The following OAF variants were observed in gnomAD, a reference collection of about 807,000 sequenced individuals.
OAF encodes out at first protein homolog.
OAF carries 13 observed loss-of-function variants against 22.5 expected under a neutral mutation model. That is an observed-to-expected ratio of 0.58 (90% CI 0.38 to 0.92). OAF has a LOEUF of 0.92. OAF is among the 40% of genes least tolerant of loss of function. OAF has a pLI of 0.00. For missense variants in OAF, 347 were observed against 381.8 expected (o/e 0.91, Z 0.76); for synonymous variants, 175 against 170.5 (o/e 1.03, Z -0.21).
At chr11:120,222,293 C>G (rs1938288735) in intron 1 of OAF, among the ~76,000 whole-genome samples, 2 of 152,228 alleles carry the variant, frequency 1.3e-5, no homozygotes, top group African/African-American at 4.8e-5. Context: ...CGCAGTGGCT[C>G]ACACCTGTAA....
intron 1 of OAF, among the ~76,000 whole-genome samples, chr11:120,219,342 G>C (rs1938252540): frequency 1.3e-5 from 2 of 152,174 alleles, no homozygotes; most frequent in African/African-American, 2.4e-5. Flanking sequence ...GTGAGCCTGT[G>C]CATCAGTTGA....
chr11:120,224,487 T>C (rs1437500281), intron 1 of OAF, among the ~76,000 whole-genome samples: 1 of 152,156 alleles, frequency 6.6e-6, no homozygotes, highest in Non-Finnish European at 1.5e-5. Context: ...CACTAATACA[T>C]TGCAGCTTCG....
At chr11:120,211,560 G>A (rs1368020700) in intron 1 of OAF, 50 bp downstream of exon 1, 5 of 1,284,148 alleles carry the variant, frequency 3.9e-6, no homozygotes, top group African/African-American at 3.1e-5. Flanking sequence ...TGAGCCCCCC[G>A]GGATCCCAGG....
At chr11:120,226,220 T>A (rs1401345914) in intron 2 of OAF, among the ~76,000 whole-genome samples, 1 of 152,216 alleles carries the variant, frequency 6.6e-6, no homozygotes, top group Non-Finnish European at 1.5e-5. Context: ...TGGGTGACAT[T>A]GGACAAGTTA....
chr11:120,211,385 G>A lies in OAF; in HGVS notation c.106G>A (p.Val36Met), dbSNP rs763181491. Residue 36 changes from valine to methionine, a missense_variant, in exon 1 of 4, where the codon GTG becomes ATG. Physicochemically the swap from Val to Met is conservative, Grantham distance 21. Coordinates refer to ENST00000328965, the MANE Select transcript of OAF (RefSeq NM_178507.4). ...TGAPAELRVR[V>M]RLPDGQVTEE... ...TGCGCCGGCCGAGCTGCGGGTCCGC[G>A]TGCGGCTGCCGGACGGCCAGGTGAC... The A allele has an allele frequency of 6.8e-7, 1 of 1,473,318 alleles. No homozygotes were observed. Among genetic ancestry groups the A allele is most frequent in the Non-Finnish European group, 9.1e-7 (1 of 1,104,512 alleles). The allele number at this position is 1,473,318 out of a possible 1,614,324, so 91.3% of individuals were successfully genotyped here.
intron 1 of OAF, among the ~76,000 whole-genome samples, chr11:120,212,834 T>G (rs1591357194): frequency 1.4e-5 from 2 of 137,982 alleles, no homozygotes; most frequent in African/African-American, 5.4e-5. Flanking sequence ...AGATGGGGGG[T>G]GGGGTAGTGA....
chr11:120,225,732 C>CT lies in OAF; in HGVS notation c.306dup (p.Val103CysfsTer8). The CT allele has an allele frequency of 6.2e-7, 1 of 1,606,248 alleles. No individual in the cohort carries two copies. Among genetic ancestry groups the CT allele is most frequent in the Admixed American group, 1.7e-5 (1 of 59,052 alleles). On this transcript the variant is annotated frameshift_variant, in exon 2 of 4. Coordinates refer to ENST00000328965, the MANE Select transcript of OAF (RefSeq NM_178507.4). LOFTEE classifies it high-confidence loss of function. ...GGCAGAGTCAGTTCCAGGCCCTCTG[C>CT]TTTGTCACCCAGCTGCAGCACAATG...
Position 120,211,153 on chromosome 11 carries a change from C to A in OAF, c.-127C>A. ...CGCCACCTCGCGGGCGACCCCGCGG[C>A]CAAGGCCCCCGGCGGAGCGGCTCCC... On this transcript the variant is annotated 5_prime_UTR_variant, in exon 1 of 4. Coordinates refer to ENST00000328965, the MANE Select transcript of OAF (RefSeq NM_178507.4). 2.6e-6 allele frequency: 1 copy of A among 383,962 alleles called. No homozygotes were observed. Among genetic ancestry groups the A allele is most frequent in the Non-Finnish European group, 4.0e-6 (1 of 247,644 alleles). The allele number at this position is 383,962 out of a possible 1,614,324, so 23.8% of individuals were successfully genotyped here. A position where few individuals can be genotyped will look rare whatever the true frequency, so the allele number is the denominator to read the frequency against.
chr11:120,219,117 G>T (rs550854377), intron 1 of OAF, among the ~76,000 whole-genome samples: 22 of 151,808 alleles, frequency 1.4e-4, no homozygotes, highest in African/African-American at 4.6e-4. Context: ...ATTCACAGGG[G>T]GGGTGGGCGT....
intron 3 of OAF, 47 bp from the exon 4 acceptor site, chr11:120,228,821 T>TGCCAACCCAAA: frequency 1.9e-6 from 1 of 520,280 alleles, no homozygotes; most frequent in Non-Finnish European, 3.6e-6. Flanking sequence ...GGGAGCTCCT[T>TGCCAACCCAAA]CCCTCCCTCC....
chr11:120,228,340 C>T (rs1323164578), intron 3 of OAF, among the ~76,000 whole-genome samples: 1 of 152,178 alleles, frequency 6.6e-6, no homozygotes, highest in African/African-American at 2.4e-5. Flanking sequence ...CTGCCTCAGA[C>T]TCCTAAAGTG....
chr11:120,230,323 G>C lies in OAF; in HGVS notation c.*1181G>C, dbSNP rs566959756. 1.3e-5 allele frequency: 2 copies of C among 152,208 alleles called. No homozygotes were observed. The highest frequency in any genetic ancestry group is 2.9e-5 in the Non-Finnish European group (2 of 68,044). 9.4% of individuals were successfully genotyped at this position (152,208 alleles called of 1,614,324 possible). ...CTCCACTCCCTTAGCTATAAAATGAGCTTACTTAAGAGACCGAAGTGAATT... is the reference window on the plus strand; with the variant it reads ...CTCCACTCCCTTAGCTATAAAATGACCTTACTTAAGAGACCGAAGTGAATT... On this transcript the variant is annotated 3_prime_UTR_variant, in exon 4 of 4. Coordinates refer to ENST00000328965, the MANE Select transcript of OAF (RefSeq NM_178507.4).
chr11:120,228,815 G>T, intron 3 of OAF, 53 bp from the exon 4 acceptor site: 1 of 896,618 alleles, frequency 1.1e-6, no homozygotes, highest in Non-Finnish European at 1.8e-6. Context: ...GACTAGGGGA[G>T]CTCCTTCCCT....
chr11:120,221,752 C>T (rs2135094470), intron 1 of OAF, among the ~76,000 whole-genome samples: 1 of 152,284 alleles, frequency 6.6e-6, no homozygotes, highest in East Asian at 1.9e-4. Context: ...ACACTATTTC[C>T]CCAGGGTACT....
At chr11:120,228,821 T>TGCCAAACCAC in intron 3 of OAF, 47 bp from the exon 4 acceptor site, 1 of 520,280 alleles carries the variant, frequency 1.9e-6, no homozygotes, top group Non-Finnish European at 3.6e-6. Context: ...GGGAGCTCCT[T>TGCCAAACCAC]CCCTCCCTCC....
rs987479741 is a variant in OAF, at chr11:120,230,246, G to A, written c.*1104G>A. ...GGAACCCCGCTTCAGATCTGGGCTC[G>A]GCTACTTACCTGCTGTGCAGCCATG... is the stretch of plus-strand genomic sequence containing the variant. On this transcript the variant is annotated 3_prime_UTR_variant, in exon 4 of 4. Transcript: ENST00000328965. 9 of 152,312 alleles carry A rather than the reference G, an allele frequency of 5.9e-5. No individual in the cohort carries two copies. Among genetic ancestry groups the A allele is most frequent in the East Asian group, 1.9e-4 (1 of 5,180 alleles). 9.4% of individuals were successfully genotyped at this position (152,312 alleles called of 1,614,324 possible).
intron 1 of OAF, among the ~76,000 whole-genome samples, chr11:120,216,335 C>G (rs1186799837): frequency 1.3e-5 from 2 of 152,188 alleles, no homozygotes; most frequent in Non-Finnish European, 2.9e-5. Flanking sequence ...TTTCAGGGCC[C>G]AGTCTGCCCC....
intron 1 of OAF, among the ~76,000 whole-genome samples, chr11:120,221,601 T>C (rs7121914): frequency 0.039 from 5,893 of 152,284 alleles, 379 homozygotes; most frequent in African/African-American, 0.13. Flanking sequence ...AGTAAATCCC[T>C]TCAAGGTTAT....
rs1938367616 is a variant in OAF at position 120,226,947 on chromosome 11, G to A, written c.498G>A (p.Val166=). 6.2e-7 allele frequency: 1 copy of A among 1,608,760 alleles called. No homozygotes were observed. Among genetic ancestry groups the A allele is most frequent in the Admixed American group, 1.7e-5 (1 of 59,712 alleles). The change falls in exon 3 of 4, where the codon GTG becomes GTA. Residue 166 remains valine (V), a synonymous_variant. Coordinates refer to ENST00000328965, the MANE Select transcript of OAF (RefSeq NM_178507.4). ...TCCACAACGTGTGTGCCGAGGCCGT[G>A]GATGCCATCTACACCCGCCAGGAGG... ...PHLHNVCAEA[V]DAIYTRQEDV... is the part of the protein sequence containing the mutation.
Sources: allele counts gnomAD v4.1 joint callset (sites outside exome capture counted in the v4.1 genomes callset), GRCh38; gene constraint gnomAD v4.1.1; transcripts MANE v1.5; gene names NCBI Gene and HGNC (gene_info 2026-07-23, HGNC 2026-07-21).